The following PLA2G4A variants were observed in gnomAD, a reference collection of about 807,000 sequenced individuals.
PLA2G4A encodes cytosolic phospholipase A2.
Under a neutral mutation model 81.9 loss-of-function variants are expected in PLA2G4A, and 40 were observed. That is an observed-to-expected ratio of 0.49 (90% CI 0.38 to 0.64). The LOEUF (loss-of-function observed/expected upper bound fraction) is 0.64. Ranked by LOEUF, PLA2G4A falls within the 30% of genes least tolerant of loss-of-function variation. The probability of loss-of-function intolerance (pLI) is 0.00; values close to 1 mark genes in which losing one functional copy is unlikely to be tolerated. For synonymous variants in PLA2G4A, 302 were observed against 296.9 expected, an observed-to-expected ratio of 1.02 and a Z score of -0.18; for missense variants, 715 against 905.1, an observed-to-expected ratio of 0.79 and a Z score of 2.69.
intron 3 of PLA2G4A, among the ~76,000 whole-genome samples, chr1:186,874,028 A>G (rs1653380066): frequency 6.6e-6 from 1 of 152,118 alleles, no homozygotes; most frequent in African/African-American, 2.4e-5. Context: ...TATCTTTGAA[A>G]TAAGTAGCTT....
chr1:186,874,148 T>C (rs1653383945), intron 3 of PLA2G4A, among the ~76,000 whole-genome samples: 1 of 152,108 alleles, frequency 6.6e-6, no homozygotes, highest in Admixed American at 6.6e-5. Context: ...GTGCTAAATG[T>C]TGGGTTAATG....
chr1:186,873,778 A>T (rs7534926), intron 3 of PLA2G4A, among the ~76,000 whole-genome samples: 19,827 of 152,062 alleles, frequency 0.13, 1,941 homozygotes, highest in East Asian at 0.46. Context: ...CAGAGATGAC[A>T]TTTTAATTTA....
chr1:186,930,052 A>G (rs921884972), intron 7 of PLA2G4A, among the ~76,000 whole-genome samples: 1 of 152,126 alleles, frequency 6.6e-6, no homozygotes, highest in African/African-American at 2.4e-5. Flanking sequence ...AACCTGAGTG[A>G]CAGAGACTCC....
chr1:186,959,498 C>T (rs1412836262), intron 14 of PLA2G4A, among the ~76,000 whole-genome samples: 1 of 152,026 alleles, frequency 6.6e-6, no homozygotes, highest in Non-Finnish European at 1.5e-5. Flanking sequence ...ACACTTTATT[C>T]ATTTTTATGT....
At chr1:186,926,279 C>G (rs932007970) in intron 7 of PLA2G4A, among the ~76,000 whole-genome samples, 1 of 152,154 alleles carries the variant, frequency 6.6e-6, no homozygotes, top group African/African-American at 2.4e-5. Context: ...AATAACTTTT[C>G]TGCAACAGAT....
At chr1:186,987,196 G>T (rs971767095) in intron 17 of PLA2G4A, among the ~76,000 whole-genome samples, 16 of 152,194 alleles carry the variant, frequency 1.1e-4, no homozygotes, top group African/African-American at 3.6e-4. Context: ...GTGCAAACAT[G>T]ATCTCCTTCA....
intron 7 of PLA2G4A, among the ~76,000 whole-genome samples, chr1:186,921,773 G>A (rs1273931333): frequency 4.6e-5 from 7 of 152,104 alleles, no homozygotes; most frequent in Admixed American, 3.3e-4. Flanking sequence ...GACTTCCCTC[G>A]GTGGGTGGAG....
At chr1:186,959,226 T>A (rs1279065124) in intron 14 of PLA2G4A, among the ~76,000 whole-genome samples, 6 of 152,030 alleles carry the variant, frequency 3.9e-5, no homozygotes, top group Non-Finnish European at 5.9e-5. Flanking sequence ...AGAATATGAG[T>A]TGATTGCGGG....
At chr1:186,867,740 A>C (rs1485151535) in intron 2 of PLA2G4A, among the ~76,000 whole-genome samples, 1 of 152,154 alleles carries the variant, frequency 6.6e-6, no homozygotes, top group Non-Finnish European at 1.5e-5. Flanking sequence ...AATGTTGAAA[A>C]GGGTGATGAC....
intron 5 of PLA2G4A, among the ~76,000 whole-genome samples, chr1:186,895,660 T>C (rs978043779): frequency 6.6e-6 from 1 of 152,154 alleles, no homozygotes; most frequent in Non-Finnish European, 1.5e-5. Flanking sequence ...GTGAGATAAG[T>C]ACCAATGAGA....
chr1:186,904,339 T>C (rs1382958825), intron 5 of PLA2G4A, among the ~76,000 whole-genome samples: 1 of 152,196 alleles, frequency 6.6e-6, no homozygotes, highest in Non-Finnish European at 1.5e-5. Flanking sequence ...GCCCTAATAA[T>C]ACAAGCAGCA....
chr1:186,949,489 G>A (rs1015427715), intron 12 of PLA2G4A, among the ~76,000 whole-genome samples: 11 of 152,066 alleles, frequency 7.2e-5, no homozygotes, highest in Non-Finnish European at 1.2e-4. Context: ...CACACCTAAT[G>A]TATATGGCAC....
intron 14 of PLA2G4A, among the ~76,000 whole-genome samples, chr1:186,959,653 T>C (rs1474548593): frequency 5.3e-5 from 8 of 152,216 alleles, no homozygotes; most frequent in African/African-American, 1.7e-4. Context: ...AATGAACTAG[T>C]GCTTTTTCAG....
At chr1:186,968,011 G>T (rs1462920215) in intron 15 of PLA2G4A, among the ~76,000 whole-genome samples, 2 of 152,044 alleles carry the variant, frequency 1.3e-5, no homozygotes, top group Non-Finnish European at 2.9e-5. Flanking sequence ...CACCAGAGTG[G>T]GTGACTATGA....
At chr1:186,836,431 G>T (rs1185564316) in intron 1 of PLA2G4A, among the ~76,000 whole-genome samples, 1 of 151,738 alleles carries the variant, frequency 6.6e-6, no homozygotes. Flanking sequence ...ACAATGAAAA[G>T]GATGCTCTCA....
At chr1:186,866,342 T>C (rs1408994806) in intron 2 of PLA2G4A, among the ~76,000 whole-genome samples, 1 of 152,184 alleles carries the variant, frequency 6.6e-6, no homozygotes, top group Non-Finnish European at 1.5e-5. Context: ...TTAAAGCTCT[T>C]ATAAAGAGAT....
intron 13 of PLA2G4A, 125 bp from the exon 14 acceptor site, chr1:186,955,977 T>A: frequency 2.7e-6 from 2 of 753,562 alleles, no homozygotes; most frequent in Admixed American, 3.8e-5. Flanking sequence ...CTTGACCTCA[T>A]GATCCGCCCG....
At chr1:186,925,684 T>C (rs1439682688) in intron 7 of PLA2G4A, among the ~76,000 whole-genome samples, 1 of 152,180 alleles carries the variant, frequency 6.6e-6, no homozygotes, top group Admixed American at 6.5e-5. Context: ...TCCCAAGTCA[T>C]CTCCTCCCTC....
intron 7 of PLA2G4A, among the ~76,000 whole-genome samples, chr1:186,914,596 A>G (rs1655076067): frequency 6.6e-6 from 1 of 152,174 alleles, no homozygotes; most frequent in Non-Finnish European, 1.5e-5. Flanking sequence ...TGCATGCACC[A>G]GTAATTAGAA....
Sources: allele counts gnomAD v4.1 joint callset (sites outside exome capture counted in the v4.1 genomes callset), GRCh38; gene constraint gnomAD v4.1.1; transcripts MANE v1.5; gene names NCBI Gene and HGNC (gene_info 2026-07-23, HGNC 2026-07-21).